Variants in SEPTIN9 observed in about 807,000 individuals in gnomAD.
SEPTIN9 encodes the protein septin 9.
A neutral mutation model predicts 56.6 loss-of-function variants in SEPTIN9; 13 were observed. The ratio of observed to expected loss-of-function variants is 0.23; its 90% confidence interval spans 0.15 to 0.37. The LOEUF (loss-of-function observed/expected upper bound fraction) is 0.37, where lower values mean the gene tolerates loss of function less well. Among genes scored for constraint, SEPTIN9 ranks in the 10% least tolerant of loss-of-function variants. The pLI is 1.00. For missense variants in SEPTIN9, 650 were observed against 823.1 expected, an observed-to-expected ratio of 0.79 and a Z score of 2.57; for synonymous variants, 332 against 334.1, an observed-to-expected ratio of 0.99 and a Z score of 0.07.
intron 2 of SEPTIN9, among the ~76,000 whole-genome samples, chr17:77,355,338 T>A (rs1411764517): frequency 1.3e-5 from 2 of 152,192 alleles, no homozygotes; most frequent in South Asian, 2.1e-4. Context: ...GTGCGCCAGA[T>A]CCCGTCTTGG....
intron 2 of SEPTIN9, among the ~76,000 whole-genome samples, chr17:77,385,367 G>A (rs1351412532): frequency 6.6e-6 from 1 of 151,266 alleles, no homozygotes; most frequent in Non-Finnish European, 1.5e-5. Context: ...GAGGCTGCTG[G>A]GGACTTGGAG....
At chr17:77,486,832 C>A (rs1398082883) in intron 4 of SEPTIN9, among the ~76,000 whole-genome samples, 1 of 152,226 alleles carries the variant, frequency 6.6e-6, no homozygotes, top group Non-Finnish European at 1.5e-5. Flanking sequence ...GCCCCACAGA[C>A]CCCATGGGAC....
rs76415199 is a variant in SEPTIN9 at position 77,433,532 on chromosome 17, C to T, written c.721+30829C>T. ...AAGGGATGGCGCCCCAGCCACGTTC[C>T]CACCCACCCCGAGGCCCAGCATGGC... On this transcript the variant is annotated intron_variant, in intron 3 of 11. Coordinates refer to ENST00000427177, the MANE Select transcript of SEPTIN9 (RefSeq NM_001113491.2). The surrounding 1 kb of genome is among the most constrained non-coding windows in gnomAD (Gnocchi z 6.4). Among the ~76,000 whole-genome samples the T allele has an allele frequency of 7.9e-3, 1,209 of 152,218 alleles. 18 individuals are homozygous for T. Among genetic ancestry groups the T allele is most frequent in the African/African-American group, 0.028 (1,153 of 41,528 alleles).
At chr17:77,467,231 T>G (rs988856362) in intron 3 of SEPTIN9, among the ~76,000 whole-genome samples, 24 of 152,214 alleles carry the variant, frequency 1.6e-4, no homozygotes, top group African/African-American at 5.5e-4. Context: ...CACGCGGTGC[T>G]TGGGGACCAG....
chr17:77,421,591 C>T lies in SEPTIN9; in HGVS notation c.721+18888C>T, dbSNP rs1262953563. Among the ~76,000 whole-genome samples the T allele has an allele frequency of 6.6e-6, 1 of 152,236 alleles. No individual in the cohort carries two copies. Among genetic ancestry groups the T allele is most frequent in the Non-Finnish European group, 1.5e-5 (1 of 68,046 alleles). The stretch of plus-strand genomic sequence containing the variant: ...GAAGGTATCCACATGTCCCAGAATG[C>T]ACCCTCTGCGTGTACAGGGATGGCT... On this transcript the variant is annotated intron_variant, in intron 3 of 11. Transcript: ENST00000427177. This position sits in a 1 kb window ranked among gnomAD's most constrained non-coding sequence, Gnocchi z 4.6.
chr17:77,298,682 G>A (rs1176415203), intron 1 of SEPTIN9, among the ~76,000 whole-genome samples: 2 of 152,202 alleles, frequency 1.3e-5, no homozygotes, highest in African/African-American at 4.8e-5. Context: ...ATGGGGGTCA[G>A]CTGTCTTCTC....
chr17:77,461,376 G>A (rs1007540305), intron 3 of SEPTIN9, among the ~76,000 whole-genome samples: 4 of 152,138 alleles, frequency 2.6e-5, no homozygotes, highest in Non-Finnish European at 4.4e-5. Context: ...GCTGGTGTGA[G>A]GAGAGGGTGA....
intron 3 of SEPTIN9, among the ~76,000 whole-genome samples, chr17:77,427,403 G>A (rs1026402564): frequency 2.0e-5 from 3 of 152,228 alleles, no homozygotes; most frequent in African/African-American, 7.2e-5. Flanking sequence ...CCATGACAGG[G>A]TGAGTTCCAG....
At chr17:77,409,880 G>C (rs1046103074) in intron 3 of SEPTIN9, among the ~76,000 whole-genome samples, 1 of 152,238 alleles carries the variant, frequency 6.6e-6, no homozygotes, top group Non-Finnish European at 1.5e-5. Context: ...CCAAAGTGTG[G>C]GCAGCCCCTA....
chr17:77,351,218 G>A (rs1048620917), intron 2 of SEPTIN9, among the ~76,000 whole-genome samples: 38 of 141,912 alleles, frequency 2.7e-4, no homozygotes, highest in African/African-American at 9.6e-4. Context: ...GCACATGTGC[G>A]CGTGCACACA....
At chr17:77,459,974 C>T (rs1231800209) in intron 3 of SEPTIN9, among the ~76,000 whole-genome samples, 1 of 152,084 alleles carries the variant, frequency 6.6e-6, no homozygotes, top group Non-Finnish European at 1.5e-5. Context: ...CCTCACCCAG[C>T]CCTCCCAGAC....
intron 3 of SEPTIN9, among the ~76,000 whole-genome samples, chr17:77,467,962 T>C (rs2038822589): frequency 6.6e-6 from 1 of 152,084 alleles, no homozygotes. Context: ...GAGGGCCACG[T>C]GTGTAAGAAC....
chr17:77,451,331 C>G lies in SEPTIN9; in HGVS notation c.722-30813C>G, dbSNP rs868126507. 1 of 984,518 alleles carries G rather than the reference C, an allele frequency of 1.0e-6. No individual in the cohort carries two copies. The highest frequency in any genetic ancestry group is 1.2e-6 in the Non-Finnish European group (1 of 828,752). 61.0% of individuals were successfully genotyped at this position (984,518 alleles called of 1,614,324 possible). On this transcript the variant is annotated intron_variant, in intron 3 of 11. Transcript: ENST00000427177. The surrounding 1 kb of genome is among the most constrained non-coding windows in gnomAD (Gnocchi z 4.2). ...TCCTCCTGCTCCCCTCGCCCTGCCC[C>G]CTTGGAGCAATTCCCCACCGAGCCT...
At chr17:77,289,570 G>T (rs1216346480) in intron 1 of SEPTIN9, among the ~76,000 whole-genome samples, 1 of 151,638 alleles carries the variant, frequency 6.6e-6, no homozygotes, top group South Asian at 2.1e-4. Flanking sequence ...CACCATGCCC[G>T]GCTAATTTTG....
chr17:77,320,195 CAA>C (rs2032856635), intron 2 of SEPTIN9: 5 of 1,596,070 alleles, frequency 3.1e-6, no homozygotes, highest in Non-Finnish European at 2.6e-6. Context: ...TTAGACCAGA[CAA>C]AGAGTGTTTT....
chr17:77,400,912 C>A lies in SEPTIN9; in HGVS notation c.77-1147C>A, dbSNP rs541153087. 6.6e-6 allele frequency among the ~76,000 whole-genome samples: 1 copy of A among 152,248 alleles called. No individual in the cohort carries two copies. Among genetic ancestry groups the A allele is most frequent in the East Asian group, 1.9e-4 (1 of 5,178 alleles). The stretch of plus-strand genomic sequence containing the variant: ...GTGGAGGTGGCAGCTTCCCAGGTAC[C>A]ATCCCCACTGCCTCCGAGGGAGCAG... On this transcript the variant is annotated intron_variant, in intron 2 of 11. Coordinates refer to ENST00000427177, the MANE Select transcript of SEPTIN9 (RefSeq NM_001113491.2). The surrounding 1 kb of genome is among the most constrained non-coding windows in gnomAD (Gnocchi z 4.1).
intron 3 of SEPTIN9, chr17:77,446,916 T>C (rs1293122729): frequency 6.0e-6 from 1 of 167,136 alleles, no homozygotes; most frequent in Non-Finnish European, 1.5e-5. Context: ...TTTTTTATTG[T>C]GCTAAAATGC....
intron 10 of SEPTIN9, among the ~76,000 whole-genome samples, chr17:77,494,525 A>T (rs2040170111): frequency 6.6e-6 from 1 of 152,212 alleles, no homozygotes; most frequent in Non-Finnish European, 1.5e-5. Context: ...CCAAGATTTT[A>T]GTGAGTTGAG....
chr17:77,398,374 G>A (rs749442146), intron 2 of SEPTIN9, among the ~76,000 whole-genome samples: 3 of 152,172 alleles, frequency 2.0e-5, no homozygotes, highest in South Asian at 4.1e-4. Context: ...CACACCCCTC[G>A]TAGCCAATCT....
Sources: allele counts gnomAD v4.1 joint callset (sites outside exome capture counted in the v4.1 genomes callset), GRCh38; gene constraint gnomAD v4.1.1; non-coding constraint Gnocchi (gnomAD v3.1); transcripts MANE v1.5; gene names NCBI Gene and HGNC (gene_info 2026-07-23, HGNC 2026-07-21).